The following CEP97 variants were observed in gnomAD, a reference collection of about 807,000 sequenced individuals.
CEP97 encodes the protein centrosomal protein of 97 kDa.
In CEP97, 43 loss-of-function variants were observed where a neutral mutation model predicts 73.1. The observed-to-expected ratio is 0.59, with a 90% CI of 0.46 to 0.76. CEP97 has a LOEUF of 0.76. CEP97 is among the 30% of genes least tolerant of loss of function. The pLI is 0.00. For missense variants in CEP97, 939 were observed against 1,014.0 expected, an observed-to-expected ratio of 0.93 and a Z score of 1.00; for synonymous variants, 337 against 370.0, an observed-to-expected ratio of 0.91 and a Z score of 1.02.
intron 3 of CEP97, 131 bp from the exon 4 acceptor site, chr3:101,728,703 CTT>C (rs2107128613): frequency 1.6e-6 from 1 of 635,328 alleles, no homozygotes; most frequent in Non-Finnish European, 2.8e-6. Flanking sequence ...CCCCTTTTCT[CTT>C]GCTAAGTTCT....
At chr3:101,735,665 C>T (rs890084569) in intron 6 of CEP97, among the ~76,000 whole-genome samples, 2 of 152,150 alleles carry the variant, frequency 1.3e-5, no homozygotes, top group South Asian at 4.1e-4. Flanking sequence ...GTACTCTGGC[C>T]CAGAAACTAC....
intron 9 of CEP97, chr3:101,759,364 A>G (rs1050712244): frequency 6.6e-6 from 1 of 152,186 alleles, no homozygotes; most frequent in Non-Finnish European, 1.5e-5. Flanking sequence ...ATGTATGATA[A>G]CACATATGAA....
At chr3:101,763,084 A>G (rs1424618426) in intron 10 of CEP97, 1 of 1,202,166 alleles carries the variant, frequency 8.3e-7, no homozygotes, top group Non-Finnish European at 1.1e-6. Context: ...ATTTTAATAA[A>G]ATTTTCATTT....
At chr3:101,742,065 A>G (rs942908341) in intron 6 of CEP97, among the ~76,000 whole-genome samples, 4 of 151,750 alleles carry the variant, frequency 2.6e-5, no homozygotes. Context: ...CAAAAAAACA[A>G]AAAAACAAAA....
At chr3:101,764,722 G>T in intron 10 of CEP97, 125 bp from the exon 11 acceptor site, 1 of 749,386 alleles carries the variant, frequency 1.3e-6, no homozygotes. Flanking sequence ...GGTTGATGCT[G>T]CAGTGAGCCA....
chr3:101,729,447 G>A (rs1476535382), intron 4 of CEP97, among the ~76,000 whole-genome samples: 1 of 152,100 alleles, frequency 6.6e-6, no homozygotes, highest in African/African-American at 2.4e-5. Context: ...TGTAGTTAAG[G>A]TTAATTTTAT....
At chr3:101,757,595 C>T (rs752021451) in intron 8 of CEP97, 39 bp from the exon 9 acceptor site, 9 of 1,546,610 alleles carry the variant, frequency 5.8e-6, no homozygotes, top group African/African-American at 1.4e-5. Context: ...AAAATGTAAA[C>T]ATTTAGTGGT....
At chr3:101,737,752 A>G (rs535702000) in intron 6 of CEP97, among the ~76,000 whole-genome samples, 1 of 152,338 alleles carries the variant, frequency 6.6e-6, no homozygotes, top group East Asian at 1.9e-4. Context: ...AATTGTAAAG[A>G]TCATCAACAC....
At position 101,724,694 on chromosome 3, in the gene CEP97, G is replaced by A. The variant is rs757072345; in HGVS notation, c.18G>A (p.Val6=). 5.0e-6 allele frequency: 8 copies of A among 1,614,188 alleles called. No individual in the cohort carries two copies. The South Asian group carries it at 7.7e-5, about 16-fold the overall frequency. ...CAGCAAATATGGCGGTGGCGCGCGT[G>A]GACGCGGCTTTGCCTCCCGGAGAAG... is the stretch of plus-strand genomic sequence containing the variant. MAVAR[V]DAALPPGEGS... Residue 6 remains valine, a synonymous_variant, in exon 1 of 11, where the codon GTG becomes GTA. Transcript: ENST00000341893.
intron 10 of CEP97, 120 bp from the exon 11 acceptor site, chr3:101,764,727 G>A (rs1939262674): frequency 2.5e-6 from 2 of 793,000 alleles, no homozygotes; most frequent in South Asian, 1.8e-5. Context: ...ATGCTGCAGT[G>A]AGCCATGATT....
chr3:101,735,412 G>A (rs1030380751), intron 6 of CEP97, among the ~76,000 whole-genome samples: 4 of 152,154 alleles, frequency 2.6e-5, no homozygotes, highest in African/African-American at 9.7e-5. Context: ...TGGCAAGATG[G>A]CTGAATAGCA....
chr3:101,743,246 A>T (rs1361249471), intron 6 of CEP97, among the ~76,000 whole-genome samples: 8 of 152,012 alleles, frequency 5.3e-5, no homozygotes, highest in Non-Finnish European at 5.9e-5. Context: ...AAAAAAAAAA[A>T]TACAACCAGC....
chr3:101,753,063 TG>T (rs1938885823), intron 6 of CEP97, among the ~76,000 whole-genome samples: 1 of 152,218 alleles, frequency 6.6e-6, no homozygotes, highest in Non-Finnish European at 1.5e-5. Flanking sequence ...GATGTACAGA[TG>T]GGTTTTTGGT....
intron 3 of CEP97, among the ~76,000 whole-genome samples, chr3:101,728,179 T>C (rs1157988774): frequency 6.6e-6 from 1 of 152,026 alleles, no homozygotes; most frequent in Non-Finnish European, 1.5e-5. Flanking sequence ...AGAATGTAAA[T>C]CCAGGCTGTT....
At chr3:101,757,309 C>T in intron 8 of CEP97, 113 bp downstream of exon 8, 3 of 1,164,728 alleles carry the variant, frequency 2.6e-6, no homozygotes, top group Non-Finnish European at 3.6e-6. Flanking sequence ...TTACTAACTT[C>T]AGTAATCATT....
At chr3:101,759,657 T>G (rs1310489978) in intron 9 of CEP97, 1 of 152,266 alleles carries the variant, frequency 6.6e-6, no homozygotes, top group Non-Finnish European at 1.5e-5. Context: ...GCTTGGAGAT[T>G]ATCTCCCAGG....
rs1939201253 is a variant in CEP97 at position 101,762,545 on chromosome 3, A to G, written c.1878A>G (p.Arg626=). 1 of 1,610,478 alleles carries G rather than the reference A, an allele frequency of 6.2e-7. No individual in the cohort carries two copies. ...IKKFVQEEAF[R]FLWNQVRSLQ... Reference sequence around the variant, plus strand: ...AATTTGTACAAGAAGAAGCTTTCAGATTCCTTTGGAACCAGGTAAACTCCC... The same window carrying G: ...AATTTGTACAAGAAGAAGCTTTCAGGTTCCTTTGGAACCAGGTAAACTCCC... The change falls in exon 10 of 11, where the codon AGA becomes AGG. Residue 626 remains arginine (R), a synonymous_variant. Coordinates refer to ENST00000341893, the MANE Select transcript of CEP97 (RefSeq NM_024548.4).
chr3:101,764,649 G>C (rs927669710), intron 10 of CEP97, among the ~76,000 whole-genome samples, 198 bp from the exon 11 acceptor site: 1 of 151,720 alleles, frequency 6.6e-6, no homozygotes, highest in South Asian at 2.1e-4. Context: ...ATGGTGGTGG[G>C]CACCTGGAGT....
Position 101,765,611 on chromosome 3 carries a change from T to C in CEP97, c.*60T>C, listed in dbSNP as rs1939298804. On this transcript the variant is annotated 3_prime_UTR_variant, in exon 11 of 11. Transcript: ENST00000341893. ...TTCTTAAAAATACTTTCAGTTGCCT[T>C]TGCTTTTTTTTGGAGGGAAATACTC... The C allele has an allele frequency of 4.3e-6, 6 of 1,406,140 alleles. No individual in the cohort carries two copies. Among genetic ancestry groups the C allele is most frequent in the Non-Finnish European group, 5.8e-6 (6 of 1,032,000 alleles). 87.1% of individuals were successfully genotyped at this position (1,406,140 alleles called of 1,614,324 possible).
Sources: allele counts gnomAD v4.1 joint callset (sites outside exome capture counted in the v4.1 genomes callset), GRCh38; gene constraint gnomAD v4.1.1; transcripts MANE v1.5; gene names NCBI Gene and HGNC (gene_info 2026-07-23, HGNC 2026-07-21).